The following PPEF2 variants were observed in gnomAD, a reference collection of about 807,000 sequenced individuals.
PPEF2 encodes protein phosphatase with EF-hand domain 2, also known as serine/threonine-protein phosphatase with EF-hands 2.
In PPEF2, 84 loss-of-function variants were observed where a neutral mutation model predicts 84.7. The observed-to-expected ratio is 0.99, with a 90% confidence interval of 0.83 to 1.19. The LOEUF is 1.19. Among genes scored for constraint, PPEF2 ranks in the 50% most tolerant of loss-of-function variants. PPEF2 has a pLI of 0.00. For missense variants in PPEF2, 924 were observed against 937.5 expected, an observed-to-expected ratio of 0.99 and a Z score of 0.19; for synonymous variants, 346 against 345.2, an observed-to-expected ratio of 1.00 and a Z score of -0.03.
At chr4:75,871,630 C>G (rs1724282785) in intron 13 of PPEF2, among the ~76,000 whole-genome samples, 2 of 152,066 alleles carry the variant, frequency 1.3e-5, no homozygotes, top group African/African-American at 4.8e-5. Flanking sequence ...GCCACCACAT[C>G]AGGCTAATTT....
At chr4:75,880,670 T>C (rs60011229) in intron 10 of PPEF2, among the ~76,000 whole-genome samples, 4,598 of 152,226 alleles carry the variant, frequency 0.03, 176 homozygotes, top group African/African-American at 0.087. Flanking sequence ...AAAATCAAGA[T>C]ACAACTGATG....
chr4:75,864,445 T>C lies in PPEF2; in HGVS notation c.2003A>G (p.His668Arg), dbSNP rs1297146173. The change falls in exon 16 of 17, where the codon CAT (histidine) becomes CGT (arginine). Residue 668 changes from histidine to arginine, a missense_variant. Physicochemically the swap from His to Arg is conservative, Grantham distance 29. Coordinates refer to ENST00000286719, the MANE Select transcript of PPEF2 (RefSeq NM_006239.3). ...AGAATAATGAGTGCCTTTACCTGAATGATCACTGTCTATGATCCTAAAAAT... is the reference window on the plus strand; with the variant it reads ...AGAATAATGAGTGCCTTTACCTGAACGATCACTGTCTATGATCCTAAAAAT... ...ETIFRIIDSD[H>R]SGFISLDEFR... The C allele has an allele frequency of 1.3e-6, 2 of 1,599,060 alleles. No homozygotes were observed. The highest frequency in any genetic ancestry group is 1.7e-4 in the Middle Eastern group (1 of 6,046).
At chr4:75,898,857 T>G (rs528293045) in intron 1 of PPEF2, among the ~76,000 whole-genome samples, 32 of 152,170 alleles carry the variant, frequency 2.1e-4, no homozygotes, top group African/African-American at 7.7e-4. Context: ...TTCTTTGTTA[T>G]GAGGACATTC....
At chr4:75,869,872 A>G (rs1275429100) in intron 13 of PPEF2, among the ~76,000 whole-genome samples, 1 of 150,578 alleles carries the variant, frequency 6.6e-6, no homozygotes, top group African/African-American at 2.4e-5. Flanking sequence ...AAAAGAAAAA[A>G]GAAAAACAAG....
rs568143236 is a variant in PPEF2 at position 75,884,246 on chromosome 4, C to T, written c.746+348G>A. On this transcript the variant is annotated intron_variant, in intron 8 of 16. Coordinates refer to ENST00000286719, the MANE Select transcript of PPEF2 (RefSeq NM_006239.3). ...AGGAGTTTGAGACCAGCCTGGCCAA[C>T]ATGGTGAAGCCCTGTCTCTAATAAT... 8.5e-5 allele frequency among the ~76,000 whole-genome samples: 13 copies of T among 152,128 alleles called. No homozygotes were observed. The East Asian group carries it at 1.5e-3, about 18-fold the overall frequency.
At chr4:75,883,939 G>A (rs1425515344) in intron 8 of PPEF2, among the ~76,000 whole-genome samples, 2 of 151,640 alleles carry the variant, frequency 1.3e-5, no homozygotes, top group African/African-American at 4.9e-5. Flanking sequence ...AGACCAGCCT[G>A]ACCAACATGG....
At chr4:75,874,902 C>CTTTTTTTTT (rs547098807) in intron 11 of PPEF2, among the ~76,000 whole-genome samples, 2 of 138,106 alleles carry the variant, frequency 1.4e-5, no homozygotes, top group African/African-American at 5.4e-5. Flanking sequence ...TTCTTTCTTT[C>CTTTTTTTTT]TTTTTTTTTT....
intron 11 of PPEF2, among the ~76,000 whole-genome samples, chr4:75,874,323 TCTCA>T (rs1724357497): frequency 6.6e-6 from 1 of 150,506 alleles, no homozygotes; most frequent in South Asian, 2.1e-4. Context: ...TGAGACAGAG[TCTCA>T]CTCAGTTGCC....
Position 75,867,313 on chromosome 4 carries a change from C to A in PPEF2, c.1756G>T (p.Gly586Cys). The A allele has an allele frequency of 6.2e-7, 1 of 1,609,376 alleles. No individual in the cohort carries two copies. The highest frequency in any genetic ancestry group is 1.1e-5 in the South Asian group (1 of 90,852). The stretch of plus-strand genomic sequence containing the variant: ...GAATCTTTAACTTGATCATTCTTAC[C>A]GACTTTATCTGCATCATGCTTCTTA... ...EFKKHDADKV[G>C]LITLSDWAAA... Residue 586 changes from glycine (G) to cysteine (C), a missense_variant and splice_region_variant, in exon 14 of 17, where the codon GGT becomes TGT. Transcript: ENST00000286719.
rs771240029 is a variant in PPEF2 at position 75,876,318 on chromosome 4, A to C, written c.1289T>G (p.Leu430Arg). The C allele has an allele frequency of 5.9e-5, 95 of 1,611,900 alleles. No individual in the cohort carries two copies. Among genetic ancestry groups the C allele is most frequent in the Non-Finnish European group, 4.2e-6 (5 of 1,179,114 alleles). ...ASEADSEAGE[L>R]RKPTQEEWRQ... ...CCACTCCTCCTGAGTGGGCTTCCGCAGCTCTCCGGCTTCAGAGTCTGCTTC... is the reference window on the plus strand; with the variant it reads ...CCACTCCTCCTGAGTGGGCTTCCGCCGCTCTCCGGCTTCAGAGTCTGCTTC... Residue 430 changes from leucine to arginine, a missense_variant, in exon 11 of 17, where the codon CTG becomes CGG. Transcript: ENST00000286719.
intron 16 of PPEF2, 76 bp downstream of exon 16, chr4:75,864,364 A>C: frequency 8.9e-7 from 1 of 1,122,634 alleles, no homozygotes; most frequent in Non-Finnish European, 1.3e-6. Context: ...ATGAGGATGA[A>C]TCAGGAAGGA....
intron 8 of PPEF2, 152 bp downstream of exon 8, chr4:75,884,442 T>C (rs1188170038): frequency 1.2e-6 from 1 of 834,796 alleles, no homozygotes; most frequent in Non-Finnish European, 1.7e-6. Context: ...AAAAAAATTT[T>C]TTTTTGAATG....
intron 7 of PPEF2, among the ~76,000 whole-genome samples, chr4:75,886,324 C>T (rs566193385): frequency 6.6e-6 from 1 of 152,314 alleles, no homozygotes; most frequent in East Asian, 1.9e-4. Context: ...GCTCAGCAAG[C>T]GCGCAGGTAC....
At chr4:75,899,143 A>T (rs570934694) in intron 1 of PPEF2, among the ~76,000 whole-genome samples, 1 of 152,130 alleles carries the variant, frequency 6.6e-6, no homozygotes, top group South Asian at 2.1e-4. Context: ...ATTTCACTTA[A>T]CATAATGTCC....
intron 2 of PPEF2, among the ~76,000 whole-genome samples, chr4:75,893,734 T>G (rs1384880636): frequency 6.6e-6 from 1 of 152,220 alleles, no homozygotes; most frequent in African/African-American, 2.4e-5. Flanking sequence ...TGGACATCAA[T>G]GTTGTCTGCT....
intron 10 of PPEF2, among the ~76,000 whole-genome samples, chr4:75,877,040 A>AAGAAAGAAAGAAAGAAAGAAAGAAAGAG (rs1724443367): frequency 7.0e-6 from 1 of 143,306 alleles, no homozygotes; most frequent in Non-Finnish European, 1.6e-5. Context: ...GAAAGAAAGA[A>AAGAAAGAAAGAAAGAAAGAAAGAAAGAG]AAGAAACAGA....
At position 75,867,323 on chromosome 4, in the gene PPEF2, T is replaced by G. The variant is rs1253448683; in HGVS notation, c.1746A>C (p.Ala582=). ...CTTGATCATTCTTACCGACTTTATC[T>G]GCATCATGCTTCTTAAATTCACTGA... ...DLLSEFKKHD[A]DKVGLITLSD... Residue 582 remains alanine, a synonymous_variant, in exon 14 of 17, where the codon GCA becomes GCC. Coordinates refer to ENST00000286719, the MANE Select transcript of PPEF2 (RefSeq NM_006239.3). The G allele has an allele frequency of 6.2e-7, 1 of 1,612,492 alleles. No individual in the cohort carries two copies. The highest frequency in any genetic ancestry group is 8.5e-7 in the Non-Finnish European group (1 of 1,178,818).
chr4:75,895,250 A>T (rs566928141), intron 2 of PPEF2, among the ~76,000 whole-genome samples: 1 of 150,560 alleles, frequency 6.6e-6, no homozygotes, highest in South Asian at 2.1e-4. Flanking sequence ...CAACATGGTG[A>T]AGCCCCGTCT....
intron 2 of PPEF2, among the ~76,000 whole-genome samples, 168 bp from the exon 3 acceptor site, chr4:75,892,146 G>A (rs1248511275): frequency 6.6e-6 from 1 of 152,154 alleles, no homozygotes; most frequent in African/African-American, 2.4e-5. Context: ...CTTTCTGCTG[G>A]CAATAGTGCT....
Sources: gnomAD v4.1 joint callset for allele counts (sites outside exome capture counted in the v4.1 genomes callset) on GRCh38, gnomAD v4.1.1 for gene constraint, MANE v1.5 for transcripts, NCBI Gene and HGNC (gene_info 2026-07-23, HGNC 2026-07-21) for gene names.